The following SORBS2 variants were observed in gnomAD, a reference collection of about 807,000 sequenced individuals.
SORBS2 encodes sorbin and SH3 domain-containing protein 2.
SORBS2 carries 46 observed loss-of-function variants against 97.7 expected under a neutral mutation model. The ratio of observed to expected loss-of-function variants is 0.47; its 90% CI spans 0.37 to 0.60. SORBS2 has a LOEUF of 0.60. Among genes scored for constraint, SORBS2 ranks in the 20% least tolerant of loss-of-function variants. The probability of loss-of-function intolerance (pLI) is 0.00; values close to 1 mark genes in which losing one functional copy is unlikely to be tolerated. For missense variants in SORBS2, 1,316 were observed against 1,282.3 expected, an observed-to-expected ratio of 1.03 and a Z score of -0.40; for synonymous variants, 476 against 473.4, an observed-to-expected ratio of 1.01 and a Z score of -0.07.
intron 1 of SORBS2, among the ~76,000 whole-genome samples, chr4:185,914,769 G>A (rs1375045065): frequency 1.3e-5 from 2 of 152,120 alleles, no homozygotes; most frequent in Non-Finnish European, 2.9e-5. Context: ...TTCCCTGCAC[G>A]GCCCTTGCCC....
chr4:185,890,935 C>T (rs1324893113), intron 1 of SORBS2, among the ~76,000 whole-genome samples: 1 of 94,142 alleles, frequency 1.1e-5, no homozygotes, highest in Non-Finnish European at 2.2e-5. Context: ...TTATACAGAG[C>T]TGATAGTAAA....
rs1300604354 is a variant in SORBS2, at chr4:185,662,244, T to C, written c.-45-2A>G. ...GTTTCCATTCACTGTTATCTGGCTC[T>C]GAGAAAAGCGCAAAGGCATCGAGTT... On this transcript the variant is annotated splice_acceptor_variant, in intron 4 of 20. Transcript: ENST00000284776. LOFTEE classifies it low-confidence loss of function (5UTR_SPLICE). 6.2e-7 allele frequency: 1 copy of C among 1,603,022 alleles called. No individual in the cohort carries two copies. Among genetic ancestry groups the C allele is most frequent in the South Asian group, 1.1e-5 (1 of 88,820 alleles).
chr4:185,838,079 T>G (rs542911203), intron 1 of SORBS2, among the ~76,000 whole-genome samples: 2 of 152,230 alleles, frequency 1.3e-5, no homozygotes, highest in African/African-American at 4.8e-5. Flanking sequence ...TTCCAACAGA[T>G]GATGCTTTTC....
chr4:185,621,536 A>T (rs138639001), intron 7 of SORBS2, among the ~76,000 whole-genome samples: 1 of 152,306 alleles, frequency 6.6e-6, no homozygotes, highest in South Asian at 2.1e-4. Context: ...ACACATTTCA[A>T]TTAGTGAAAA....
rs2096422524 is a variant in SORBS2, at chr4:185,606,495, C to A, written c.2796+5285G>T. On this transcript the variant is annotated intron_variant, in intron 12 of 14. Coordinates refer to ENST00000418609, the Ensembl canonical transcript of SORBS2. This position sits in a 1 kb window ranked among gnomAD's most constrained non-coding sequence, Gnocchi z 4.3. The stretch of plus-strand genomic sequence containing the variant: ...TTTTTGTTTAAAAAAATCTGTTAGT[C>A]AAAATAGGTATTTATTAATATGATT... The A allele has an allele frequency of 1.0e-6, 1 of 983,286 alleles. No homozygotes were observed. Among genetic ancestry groups the A allele is most frequent in the African/African-American group, 1.7e-5 (1 of 57,166 alleles). The allele number at this position is 983,286 out of a possible 1,614,324, so 60.9% of individuals were successfully genotyped here. A position where few individuals can be genotyped will look rare whatever the true frequency, so the allele number is the denominator to read the frequency against.
At chr4:185,738,516 TA>T (rs1364681069) in intron 2 of SORBS2, among the ~76,000 whole-genome samples, 4 of 152,204 alleles carry the variant, frequency 2.6e-5, no homozygotes, top group Non-Finnish European at 5.9e-5. Context: ...AAGTATTTCA[TA>T]AAAAAACTAT....
intron 5 of SORBS2, 64 bp from the exon 18 acceptor site, chr4:185,627,083 A>T: frequency 6.9e-7 from 1 of 1,452,830 alleles, no homozygotes. Context: ...CACCAGAAAA[A>T]CCGGTGGAAC....
intron 1 of SORBS2, among the ~76,000 whole-genome samples, chr4:185,804,730 G>A (rs1045223290): frequency 6.6e-6 from 1 of 152,034 alleles, no homozygotes; most frequent in Non-Finnish European, 1.5e-5. Flanking sequence ...AATATCTTTT[G>A]GAGTGAACAA....
chr4:185,917,857 T>C (rs1347918849), intron 1 of SORBS2, among the ~76,000 whole-genome samples: 1 of 152,128 alleles, frequency 6.6e-6, no homozygotes, highest in Non-Finnish European at 1.5e-5. Context: ...TCTTCTGTGT[T>C]GATTGTCGTG....
At chr4:185,631,730 C>T (rs746419868) in intron 4 of SORBS2, among the ~76,000 whole-genome samples, 5 of 152,008 alleles carry the variant, frequency 3.3e-5, no homozygotes, top group African/African-American at 7.2e-5. Context: ...CCACTGCACT[C>T]CAGCCTGGGC....
chr4:185,720,683 C>T lies in SORBS2; in HGVS notation c.-197-41861G>A, dbSNP rs933772704. 2.0e-5 allele frequency among the ~76,000 whole-genome samples: 3 copies of T among 152,308 alleles called. No homozygotes were observed. In the South Asian group the frequency reaches 6.2e-4, roughly 32 times the overall value. On this transcript the variant is annotated intron_variant, in intron 2 of 20. Coordinates refer to the SORBS2 transcript ENST00000284776. The stretch of plus-strand genomic sequence containing the variant: ...GAAAACTGTGCCAGGTGCTAGAAAA[C>T]AGTTTGCAAATTATATTTTGGTTTG...
intron 1 of SORBS2, among the ~76,000 whole-genome samples, chr4:185,943,331 G>T (rs1463227217): frequency 1.3e-5 from 2 of 152,158 alleles, no homozygotes; most frequent in African/African-American, 4.8e-5. Flanking sequence ...GGAAAGATCT[G>T]GCAGTCACCA....
intron 4 of SORBS2, among the ~76,000 whole-genome samples, chr4:185,675,728 GTTA>G (rs1345555227): frequency 6.6e-6 from 1 of 152,062 alleles, no homozygotes; most frequent in Non-Finnish European, 1.5e-5. Context: ...TCCTATTAAT[GTTA>G]TTATTATTAT....
At chr4:185,724,539 C>T (rs2098542104) in intron 2 of SORBS2, among the ~76,000 whole-genome samples, 1 of 152,158 alleles carries the variant, frequency 6.6e-6, no homozygotes, top group African/African-American at 2.4e-5. Context: ...CCTCTCTTCA[C>T]TGTCATTTAT....
chr4:185,925,419 T>C (rs1054242460), intron 1 of SORBS2, among the ~76,000 whole-genome samples: 3 of 151,490 alleles, frequency 2.0e-5, no homozygotes, highest in African/African-American at 7.3e-5. Flanking sequence ...ATTTTTTTTC[T>C]AATTTTAAGG....
At chr4:185,923,153 T>C (rs555471955) in intron 1 of SORBS2, among the ~76,000 whole-genome samples, 53 of 152,218 alleles carry the variant, frequency 3.5e-4, no homozygotes, top group Admixed American at 1.6e-3. Context: ...GAGCAGACAC[T>C]CCACAAAGGT....
chr4:185,939,234 CT>C (rs1192399310), intron 1 of SORBS2, among the ~76,000 whole-genome samples: 2 of 152,176 alleles, frequency 1.3e-5, no homozygotes, highest in Non-Finnish European at 2.9e-5. Flanking sequence ...CCATCCTTCT[CT>C]CATCAGACAA....
chr4:185,668,776 TC>T (rs1209956365), intron 4 of SORBS2, among the ~76,000 whole-genome samples: 1 of 152,246 alleles, frequency 6.6e-6, no homozygotes, highest in East Asian at 1.9e-4. Flanking sequence ...CAGGTAATCA[TC>T]CTAATTGTTT....
intron 1 of SORBS2, among the ~76,000 whole-genome samples, chr4:185,807,284 T>A (rs918762106): frequency 2.6e-5 from 4 of 152,224 alleles, no homozygotes; most frequent in African/African-American, 9.6e-5. Flanking sequence ...ATTGTGTTTT[T>A]GTTTTTTTGA....
Sources: allele counts gnomAD v4.1 joint callset (sites outside exome capture counted in the v4.1 genomes callset), GRCh38; gene constraint gnomAD v4.1.1; non-coding constraint Gnocchi (gnomAD v3.1); transcripts MANE v1.5; gene names NCBI Gene and HGNC (gene_info 2026-07-23, HGNC 2026-07-21).